The following GLRA2 variants were observed in gnomAD, a reference collection of about 807,000 sequenced individuals.
The protein encoded by GLRA2 is glycine receptor alpha 2.
Under a neutral mutation model 31.6 loss-of-function variants are expected in GLRA2, and 11 were observed. That is an observed-to-expected ratio of 0.35 (90% CI 0.22 to 0.58). The LOEUF (loss-of-function observed/expected upper bound fraction) is 0.58. Ranked by LOEUF, GLRA2 falls within the 20% of genes least tolerant of loss-of-function variation. The pLI is 0.84. For missense variants in GLRA2, 212 were observed against 351.8 expected (o/e 0.60, Z 3.18); for synonymous variants, 132 against 134.0 (o/e 0.99, Z 0.10).
At chrX:14,613,212 C>T (rs1052322177) in intron 7 of GLRA2, among the ~76,000 whole-genome samples, 1 of 111,602 alleles carries the variant, frequency 9.0e-6, no homozygotes, top group Non-Finnish European at 1.9e-5. Context: ...TTTATTCTTA[C>T]TGTTCCCTGT....
chrX:14,678,363 G>T (rs923231584), intron 7 of GLRA2, among the ~76,000 whole-genome samples: 1 of 112,257 alleles, frequency 8.9e-6, no homozygotes, highest in African/African-American at 3.2e-5. Context: ...AAGACTAGGT[G>T]CCATGGGGAA....
chrX:14,581,236 G>A lies in GLRA2; in HGVS notation c.324G>A (p.Ala108=), dbSNP rs199797447. The A allele has an allele frequency of 2.1e-5, 25 of 1,187,078 alleles. No individual in the cohort carries two copies. Among genetic ancestry groups the A allele is most frequent in the East Asian group, 8.9e-5 (3 of 33,678 alleles). The change falls in exon 4 of 9, where the codon GCG becomes GCA. Residue 108 remains alanine (A), a synonymous_variant. Transcript: ENST00000218075. ...LRQQWNDSRL[A]YSEYPDDSLD... is the part of the protein sequence containing the mutation. Reference sequence around the variant, plus strand: ...AACAGTGGAATGATTCACGGCTGGCGTACAGTGAGTACCCAGATGACTCCC... The same window carrying A: ...AACAGTGGAATGATTCACGGCTGGCATACAGTGAGTACCCAGATGACTCCC...
chrX:14,449,080 T>G, the GLRA2 span, among the ~76,000 whole-genome samples: 133 of 112,475 alleles, frequency 1.2e-3, 1 homozygote, highest in Middle Eastern at 4.6e-3. Flanking sequence ...AACCTGACCC[T>G]GAGCAGGACA....
At chrX:14,649,711 A>G (rs1283274893) in intron 7 of GLRA2, among the ~76,000 whole-genome samples, 1 of 111,924 alleles carries the variant, frequency 8.9e-6, no homozygotes, top group Non-Finnish European at 1.9e-5. Context: ...ATTTCTTCCT[A>G]ATATTTAAGT....
At chrX:14,642,982 T>G (rs185404005) in intron 7 of GLRA2, among the ~76,000 whole-genome samples, 229 of 111,180 alleles carry the variant, frequency 2.1e-3, no homozygotes, top group African/African-American at 7.1e-3. Flanking sequence ...AAAACAGAGA[T>G]ATTTCTGGCA....
the GLRA2 span, among the ~76,000 whole-genome samples, chrX:14,480,236 T>A: frequency 2.7e-5 from 3 of 112,102 alleles, no homozygotes; most frequent in Admixed American, 1.9e-4. Context: ...TTCAGTTGTT[T>A]AAGCTCCTTA....
chrX:14,631,505 T>C (rs898238276), intron 7 of GLRA2, among the ~76,000 whole-genome samples: 1 of 110,984 alleles, frequency 9.0e-6, no homozygotes, highest in Admixed American at 9.6e-5. Flanking sequence ...GTGGTGGATA[T>C]ACATATAATT....
the GLRA2 span, among the ~76,000 whole-genome samples, chrX:14,459,364 T>A: frequency 9.0e-6 from 1 of 111,262 alleles, no homozygotes; most frequent in Non-Finnish European, 1.9e-5. Context: ...GGGCTCTTTT[T>A]TGGTTCCATA....
intron 7 of GLRA2, among the ~76,000 whole-genome samples, chrX:14,689,589 C>G (rs1051668600): frequency 1.8e-5 from 2 of 111,945 alleles, no homozygotes; most frequent in African/African-American, 3.2e-5. Flanking sequence ...TTTCATCCCT[C>G]TTTACCCCAG....
chrX:14,713,632 G>T (rs1424116938), intron 8 of GLRA2, among the ~76,000 whole-genome samples: 1 of 111,515 alleles, frequency 9.0e-6, no homozygotes, highest in African/African-American at 3.3e-5. Context: ...AAAGAAGAGT[G>T]AAAAATATAT....
At chrX:14,664,876 C>T (rs189247989) in intron 7 of GLRA2, among the ~76,000 whole-genome samples, 46 of 111,417 alleles carry the variant, frequency 4.1e-4, no homozygotes, top group African/African-American at 1.0e-3. Context: ...TGGAGGTGTC[C>T]GGCAAATGGA....
intron 4 of GLRA2, among the ~76,000 whole-genome samples, chrX:14,597,711 A>T (rs2090222651): frequency 8.9e-6 from 1 of 112,036 alleles, no homozygotes; most frequent in Admixed American, 9.5e-5. Context: ...TTGGTAACAG[A>T]TTATTTTCCT....
chrX:14,618,994 A>C (rs777382805), intron 7 of GLRA2, among the ~76,000 whole-genome samples: 1 of 111,699 alleles, frequency 9.0e-6, no homozygotes, highest in South Asian at 3.7e-4. Flanking sequence ...TAGATCGGAC[A>C]CACCTAATAA....
chrX:14,632,620 A>T (rs1302871433), intron 7 of GLRA2, among the ~76,000 whole-genome samples: 2 of 111,531 alleles, frequency 1.8e-5, no homozygotes, highest in East Asian at 5.6e-4. Context: ...ATCGTTCAAC[A>T]TATTTAGGCT....
the GLRA2 span, among the ~76,000 whole-genome samples, chrX:14,521,919 G>C: frequency 4.5e-5 from 5 of 112,209 alleles, no homozygotes; most frequent in Non-Finnish European, 9.4e-5. Context: ...CTGGTAAAGA[G>C]TCTTGCCTCT....
chrX:14,685,685 C>A (rs1358275785), intron 7 of GLRA2, among the ~76,000 whole-genome samples: 3 of 111,196 alleles, frequency 2.7e-5, no homozygotes, highest in Non-Finnish European at 5.7e-5. Flanking sequence ...TTTTTTATTG[C>A]GTCTATTTGA....
the GLRA2 span, among the ~76,000 whole-genome samples, chrX:14,489,664 G>T: frequency 9.0e-6 from 1 of 111,535 alleles, no homozygotes; most frequent in Admixed American, 9.5e-5. Flanking sequence ...TGTGCAGGTC[G>T]GTCAGAGGCT....
intron 8 of GLRA2, among the ~76,000 whole-genome samples, chrX:14,721,960 A>G (rs936220734): frequency 8.9e-6 from 1 of 111,788 alleles, no homozygotes; most frequent in African/African-American, 3.3e-5. Context: ...TTCCACAGCA[A>G]TTGCCTTTCT....
At chrX:14,508,226 C>T in the GLRA2 span, among the ~76,000 whole-genome samples, 21 of 112,227 alleles carry the variant, frequency 1.9e-4, no homozygotes, top group African/African-American at 6.1e-4. Context: ...AGCCAACTGG[C>T]ATTTCTGGTT....
Sources: allele counts gnomAD v4.1 joint callset (sites outside exome capture counted in the v4.1 genomes callset), GRCh38; gene constraint gnomAD v4.1.1; transcripts MANE v1.5; gene names NCBI Gene and HGNC (gene_info 2026-07-23, HGNC 2026-07-21).